Variants in DOCK2 observed in about 807,000 individuals in gnomAD.
The protein encoded by DOCK2 is dedicator of cytokinesis 2.
DOCK2 carries 87 observed loss-of-function variants against 248.9 expected under a neutral mutation model. That is an observed-to-expected ratio of 0.35 (90% confidence interval 0.29 to 0.42). The LOEUF (loss-of-function observed/expected upper bound fraction) is 0.42. Ranked by LOEUF, DOCK2 falls within the 10% of genes least tolerant of loss-of-function variation. DOCK2 has a pLI of 1.00. For missense variants in DOCK2, 1,747 were observed against 2,300.2 expected (o/e 0.76, Z 4.92); for synonymous variants, 805 against 821.6 (o/e 0.98, Z 0.35).
At chr5:169,863,032 C>A (rs971019246) in intron 27 of DOCK2, among the ~76,000 whole-genome samples, 4 of 152,180 alleles carry the variant, frequency 2.6e-5, no homozygotes, top group African/African-American at 9.7e-5. Flanking sequence ...CCATCCTACC[C>A]CTCATCCACA....
chr5:169,699,325 C>T lies in DOCK2; in HGVS notation c.1056-57C>T, dbSNP rs112572931. On this transcript the variant is annotated intron_variant, in intron 11 of 51. Coordinates refer to ENST00000520908, the MANE Select transcript of DOCK2 (RefSeq NM_004946.3). ...AGGGGCTGGGGAGATTCATGGGACCCCTTGAAACGCAAGGAGGACACGATG... is the reference window on the plus strand; with the variant it reads ...AGGGGCTGGGGAGATTCATGGGACCTCTTGAAACGCAAGGAGGACACGATG... The T allele has an allele frequency of 9.6e-6, 15 of 1,563,752 alleles. No homozygotes were observed. In the African/African-American group the frequency reaches 1.5e-4, roughly 16 times the overall value.
rs1394361690 is a variant in DOCK2 at position 169,983,110 on chromosome 5, G to A, written c.2842G>A (p.Gly948Ser). Residue 948 changes from glycine (G) to serine (S), a missense_variant, in exon 28 of 52, where the codon GGT becomes AGT. Around this residue, in one of 4 missense-constraint regions of DOCK2, gnomAD observed 858 missense variants for 1,183.5 expected, o/e 0.72. Coordinates refer to ENST00000520908, the MANE Select transcript of DOCK2 (RefSeq NM_004946.3). ...TATGACAGCCATCTTAAACCAGATGGGTGACCAGCACTACTCCTTCTACAT... is the reference window on the plus strand; with the variant it reads ...TATGACAGCCATCTTAAACCAGATGAGTGACCAGCACTACTCCTTCTACAT... ...ACMTAILNQM[G>S]DQHYSFYIET... is the part of the protein sequence containing the mutation. 6 of 1,614,016 alleles carry A rather than the reference G, an allele frequency of 3.7e-6. No individual in the cohort carries two copies. Among genetic ancestry groups the A allele is most frequent in the Non-Finnish European group, 5.1e-6 (6 of 1,179,914 alleles).
At chr5:169,651,881 T>C (rs533325068) in intron 1 of DOCK2, among the ~76,000 whole-genome samples, 3 of 152,158 alleles carry the variant, frequency 2.0e-5, no homozygotes, top group Non-Finnish European at 4.4e-5. Flanking sequence ...GACAGAGCAG[T>C]TGGTTGCAAA....
chr5:169,700,472 C>G (rs1482085864), intron 13 of DOCK2, among the ~76,000 whole-genome samples: 1 of 151,800 alleles, frequency 6.6e-6, no homozygotes, highest in Non-Finnish European at 1.5e-5. Flanking sequence ...ATATTTTATA[C>G]ATGCAGAACA....
chr5:169,794,672 C>A (rs1313233274), intron 25 of DOCK2, among the ~76,000 whole-genome samples: 2 of 152,174 alleles, frequency 1.3e-5, no homozygotes, highest in South Asian at 4.2e-4. Context: ...TATCTGTAAT[C>A]CCAGCACTCT....
At chr5:169,948,348 T>C (rs1305240514) in intron 27 of DOCK2, among the ~76,000 whole-genome samples, 3 of 152,146 alleles carry the variant, frequency 2.0e-5, no homozygotes, top group Non-Finnish European at 2.9e-5. Flanking sequence ...TAAAACACAG[T>C]AATGACAGAA....
At chr5:169,891,615 A>T (rs1773286861) in intron 27 of DOCK2, among the ~76,000 whole-genome samples, 1 of 152,126 alleles carries the variant, frequency 6.6e-6, no homozygotes, top group African/African-American at 2.4e-5. Context: ...AAAAACCACG[A>T]AGACAACCCC....
chr5:170,046,390 T>C (rs963285059), intron 39 of DOCK2, among the ~76,000 whole-genome samples: 2 of 152,214 alleles, frequency 1.3e-5, no homozygotes, highest in Admixed American at 1.3e-4. Context: ...CTGCTTGTAC[T>C]GCAGAAGCCT....
intron 22 of DOCK2, among the ~76,000 whole-genome samples, chr5:169,728,049 A>G (rs927782539): frequency 6.6e-6 from 1 of 152,216 alleles, no homozygotes; most frequent in African/African-American, 2.4e-5. Context: ...GAGGAAGAAG[A>G]TAAAGGTTTA....
At chr5:169,983,859 A>G (rs1334687666) in intron 28 of DOCK2, among the ~76,000 whole-genome samples, 1 of 152,204 alleles carries the variant, frequency 6.6e-6, no homozygotes, top group East Asian at 1.9e-4. Flanking sequence ...AAAAAAAGGA[A>G]TCATTAGAAA....
chr5:169,675,765 G>A (rs966221604), intron 6 of DOCK2, among the ~76,000 whole-genome samples: 4 of 152,160 alleles, frequency 2.6e-5, no homozygotes, highest in African/African-American at 9.7e-5. Flanking sequence ...GGAATAAAAA[G>A]AAGTTTCCCC....
intron 11 of DOCK2, among the ~76,000 whole-genome samples, chr5:169,699,131 C>T (rs1209411849): frequency 6.6e-6 from 1 of 152,102 alleles, no homozygotes; most frequent in Non-Finnish European, 1.5e-5. Flanking sequence ...TGGAATCCTA[C>T]CTTTATAAGC....
rs1336187786 is a variant in DOCK2, at chr5:170,079,018, C to A, written c.5038C>A (p.Gln1680Lys). 3.7e-6 allele frequency: 6 copies of A among 1,614,014 alleles called. No homozygotes were observed. The African/African-American group carries it at 6.7e-5, about 18-fold the overall frequency. ...ATCACCCAAGACGCCGAGAGTGGAG[C>A]AGGAGGAACCGATCTCCCCGGGGAG... Reference protein sequence around the residue: ...LASPKTPRVEQEEPISPGSTL... With the variant: ...LASPKTPRVEKEEPISPGSTL... Residue 1680 changes from glutamine (Q) to lysine (K), a missense_variant, in exon 49 of 52, where the codon CAG becomes AAG. By Grantham distance (53) the Gln-to-Lys change is moderately conservative. Around this residue, in one of 4 missense-constraint regions of DOCK2, gnomAD observed 513 missense variants for 586.1 expected, o/e 0.88. Transcript: ENST00000520908.
At chr5:170,042,181 A>C in intron 38 of DOCK2, 49 bp downstream of exon 38, 1 of 1,549,894 alleles carries the variant, frequency 6.5e-7, no homozygotes, top group Non-Finnish European at 8.7e-7. Flanking sequence ...CACTGGAAGG[A>C]TGGTTCTCTC....
Position 169,933,097 on chromosome 5 carries a change from GC to G in DOCK2, c.2800-49968del, listed in dbSNP as rs770209577. On this transcript the variant is annotated intron_variant, in intron 27 of 51. Transcript: ENST00000520908. The stretch of plus-strand genomic sequence containing the variant: ...CCTACAGTCGTTAAGTAAGAGAGAT[GC>G]CCTTACTCCCGACCCTCTCACCTGA... Among the ~76,000 whole-genome samples the G allele has an allele frequency of 2.0e-5, 3 of 152,314 alleles. No individual in the cohort carries two copies. The South Asian group carries it at 6.2e-4, about 32-fold the overall frequency.
chr5:169,771,628 G>T (rs1162877506), intron 25 of DOCK2, among the ~76,000 whole-genome samples: 1 of 152,074 alleles, frequency 6.6e-6, no homozygotes, highest in East Asian at 1.9e-4. Flanking sequence ...TGATCTATAG[G>T]ATATTTAATA....
chr5:169,689,472 G>A, intron 9 of DOCK2, 139 bp downstream of exon 9: 1 of 829,868 alleles, frequency 1.2e-6, no homozygotes, highest in Non-Finnish European at 1.9e-6. Flanking sequence ...GAAATCCAAA[G>A]CTGACAAAGG....
chr5:169,761,222 G>C (rs1199325467), intron 24 of DOCK2: 2 of 253,910 alleles, frequency 7.9e-6, no homozygotes, highest in East Asian at 1.7e-4. Context: ...TATATAGCTT[G>C]TAGAGTTATG....
chr5:169,725,467 T>C (rs1051242751), intron 22 of DOCK2, among the ~76,000 whole-genome samples: 1 of 151,658 alleles, frequency 6.6e-6, no homozygotes, highest in Non-Finnish European at 1.5e-5. Context: ...TGCATATGCA[T>C]GAGCTGTTTT....
Sources: gnomAD v4.1 joint callset for allele counts (sites outside exome capture counted in the v4.1 genomes callset) on GRCh38, gnomAD v4.1.1 for gene constraint, gnomAD v4.1.1 regional missense constraint, MANE v1.5 for transcripts, NCBI Gene and HGNC (gene_info 2026-07-23, HGNC 2026-07-21) for gene names.